CSMD1: variants seen among roughly 807,000 people sequenced by gnomAD.
CSMD1 encodes the protein CUB and sushi domain-containing protein 1.
In CSMD1, 213 loss-of-function variants were observed where a neutral mutation model predicts 417.5. The ratio of observed to expected loss-of-function variants is 0.51; its 90% CI spans 0.46 to 0.57. The LOEUF is 0.57. Ranked by LOEUF, CSMD1 falls within the 20% of genes least tolerant of loss-of-function variation. CSMD1 has a pLI of 0.00. For synonymous variants in CSMD1, 2,862 were observed against 1,736.8 expected, an observed-to-expected ratio of 1.65 and a Z score of -16.11; for missense variants, 6,923 against 4,529.7, an observed-to-expected ratio of 1.53 and a Z score of -15.17.
At chr8:4,036,956 G>GGT (rs57139782) in intron 3 of CSMD1, among the ~76,000 whole-genome samples, 4,153 of 145,922 alleles carry the variant, frequency 0.028, 92 homozygotes, top group Admixed American at 0.08. Context: ...GTGAGTGTGG[G>GGT]GTGTGTGTGT....
intron 3 of CSMD1, among the ~76,000 whole-genome samples, chr8:4,342,967 G>C (rs140071022): frequency 3.1e-4 from 47 of 152,218 alleles, no homozygotes; most frequent in African/African-American, 1.1e-3. Context: ...ACAGGTAGAT[G>C]TCAGGTAGAG....
At position 4,091,305 on chromosome 8, in the gene CSMD1, A is replaced by G. The variant is rs543570292; in HGVS notation, c.416-59206T>C. 1.4e-4 allele frequency among the ~76,000 whole-genome samples: 22 copies of G among 152,292 alleles called. 1 individual carries two copies. The highest frequency in any genetic ancestry group is 8.3e-4 in the South Asian group (4 of 4,828). The stretch of plus-strand genomic sequence containing the variant: ...AATTTCCAATTTTATTAAAATTCTG[A>G]TTCAATAAATATTTTGTTGTAGTTA... On this transcript the variant is annotated intron_variant, in intron 3 of 69. Transcript: ENST00000635120.
At chr8:4,444,383 G>T (rs534052827) in intron 2 of CSMD1, among the ~76,000 whole-genome samples, 4 of 128,294 alleles carry the variant, frequency 3.1e-5, no homozygotes, top group Non-Finnish European at 4.8e-5. Flanking sequence ...AAAAGCAGAG[G>T]TTCTTGGAGT....
rs538438973 is a variant in CSMD1, at chr8:4,652,204, A to G, written c.86-14646T>C. Among the ~76,000 whole-genome samples the G allele has an allele frequency of 7.2e-5, 11 of 152,328 alleles. No individual in the cohort carries two copies. The East Asian group carries it at 2.1e-3, about 29-fold the overall frequency. On this transcript the variant is annotated intron_variant, in intron 1 of 69. Coordinates refer to ENST00000635120, the MANE Select transcript of CSMD1 (RefSeq NM_033225.6). ...GGGATTGCATTAAATAGGAGTCTTCAAAAGAACCATAAAAATCAAAGGATG... is the reference window on the plus strand; with the variant it reads ...GGGATTGCATTAAATAGGAGTCTTCGAAAGAACCATAAAAATCAAAGGATG...
chr8:4,085,694 A>T (rs1408845476), intron 3 of CSMD1, among the ~76,000 whole-genome samples: 1 of 152,184 alleles, frequency 6.6e-6, no homozygotes, highest in East Asian at 1.9e-4. Context: ...CTCTAATATG[A>T]TCCCAAATTG....
intron 3 of CSMD1, among the ~76,000 whole-genome samples, chr8:4,331,016 T>C (rs1346121930): frequency 3.3e-5 from 5 of 152,218 alleles, no homozygotes; most frequent in Non-Finnish European, 7.3e-5. Flanking sequence ...AAGTTCTTAG[T>C]GCATTATCTT....
chr8:4,641,043 C>G (rs1005693616), intron 1 of CSMD1, among the ~76,000 whole-genome samples: 5 of 150,902 alleles, frequency 3.3e-5, no homozygotes, highest in Non-Finnish European at 7.4e-5. Context: ...ATTTCGATTT[C>G]AATTTCATAT....
chr8:4,067,516 T>C (rs1483498316), intron 3 of CSMD1, among the ~76,000 whole-genome samples: 1 of 152,192 alleles, frequency 6.6e-6, no homozygotes, highest in Non-Finnish European at 1.5e-5. Context: ...TTTAAATGCA[T>C]TTAACTTAAT....
At position 4,152,643 on chromosome 8, in the gene CSMD1, T is replaced by C. The variant is rs150154477; in HGVS notation, c.416-120544A>G. On this transcript the variant is annotated intron_variant, in intron 3 of 69. Coordinates refer to ENST00000635120, the MANE Select transcript of CSMD1 (RefSeq NM_033225.6). Reference sequence around the variant, plus strand: ...AGGTCAAGGCTGCAATGAGTCACGATTGTGCCAGCGCACCGCAACCCAAGC... The same window carrying C: ...AGGTCAAGGCTGCAATGAGTCACGACTGTGCCAGCGCACCGCAACCCAAGC... Among the ~76,000 whole-genome samples the C allele has an allele frequency of 9.7e-3, 1,479 of 152,090 alleles. 9 individuals are homozygous for C. The highest frequency in any genetic ancestry group is 0.017 in the South Asian group (82 of 4,824).
chr8:4,278,035 C>A (rs774804154), intron 3 of CSMD1, among the ~76,000 whole-genome samples: 1 of 152,160 alleles, frequency 6.6e-6, no homozygotes, highest in African/African-American at 2.4e-5. Context: ...GCATGAGCCA[C>A]GGCGCCCAAC....
chr8:4,538,228 G>T (rs1341712417), intron 2 of CSMD1, among the ~76,000 whole-genome samples: 6 of 148,208 alleles, frequency 4.0e-5, no homozygotes, highest in Non-Finnish European at 7.4e-5. Context: ...CTGCCTTGAT[G>T]TATGTGGCAC....
intron 3 of CSMD1, among the ~76,000 whole-genome samples, chr8:4,360,966 G>C (rs530969655): frequency 6.6e-6 from 1 of 152,098 alleles, no homozygotes; most frequent in African/African-American, 2.4e-5. Context: ...AGGAATACTT[G>C]ACTGACAGTA....
intron 1 of CSMD1, among the ~76,000 whole-genome samples, chr8:4,861,556 A>C (rs1027165132): frequency 6.6e-6 from 1 of 152,152 alleles, no homozygotes; most frequent in Non-Finnish European, 1.5e-5. Flanking sequence ...TGTTACGAAG[A>C]AAAATGCAAA....
chr8:4,329,115 C>T (rs1217715267), intron 3 of CSMD1, among the ~76,000 whole-genome samples: 1 of 152,190 alleles, frequency 6.6e-6, no homozygotes, highest in Admixed American at 6.5e-5. Context: ...CGTCTACAGA[C>T]TGTATGGCTT....
rs924125085 is a variant in CSMD1 at position 4,142,375 on chromosome 8, G to A, written c.416-110276C>T. Among the ~76,000 whole-genome samples, 4 of 150,994 alleles carry A rather than the reference G, an allele frequency of 2.6e-5. No homozygotes were observed. In the East Asian group the frequency reaches 7.7e-4, roughly 29 times the overall value. ...TATTTGGCTGTAGGCAAATATTAGAGGCCTCAGGGAGAGGACAGTTTTCTT... is the reference window on the plus strand; with the variant it reads ...TATTTGGCTGTAGGCAAATATTAGAAGCCTCAGGGAGAGGACAGTTTTCTT... On this transcript the variant is annotated intron_variant, in intron 3 of 69. Transcript: ENST00000635120.
intron 25 of CSMD1, among the ~76,000 whole-genome samples, chr8:3,291,683 CATT>C (rs1803580439): frequency 6.6e-6 from 1 of 152,006 alleles, no homozygotes; most frequent in Non-Finnish European, 1.5e-5. Flanking sequence ...TTACCTTTAT[CATT>C]TTTTATTATG....
intron 5 of CSMD1, among the ~76,000 whole-genome samples, chr8:3,884,887 T>A (rs1188604175): frequency 6.7e-6 from 1 of 150,218 alleles, no homozygotes; most frequent in Non-Finnish European, 1.5e-5. Context: ...ATAAAAATTA[T>A]AACTTTTATA....
chr8:4,354,491 A>G (rs529745731), intron 3 of CSMD1, among the ~76,000 whole-genome samples: 2 of 152,274 alleles, frequency 1.3e-5, no homozygotes, highest in African/African-American at 4.8e-5. Flanking sequence ...AATGTCAGAG[A>G]GAAAATCAGA....
At chr8:3,184,555 T>C (rs1039622715) in intron 36 of CSMD1, among the ~76,000 whole-genome samples, 4 of 152,246 alleles carry the variant, frequency 2.6e-5, no homozygotes, top group African/African-American at 9.6e-5. Flanking sequence ...AATGGATATT[T>C]GCCTTCTTCT....
Sources: allele counts gnomAD v4.1 joint callset (sites outside exome capture counted in the v4.1 genomes callset), GRCh38; gene constraint gnomAD v4.1.1; transcripts MANE v1.5; gene names NCBI Gene and HGNC (gene_info 2026-07-23, HGNC 2026-07-21).